NAA16: variants seen among roughly 807,000 people sequenced by gnomAD.
NAA16 encodes the protein NARG1-like protein.
A neutral mutation model predicts 110.3 loss-of-function variants in NAA16; 97 were observed. That is an observed-to-expected ratio of 0.88 (90% CI 0.75 to 1.04). NAA16 has a LOEUF of 1.04. Among genes scored for constraint, NAA16 ranks in the 50% least tolerant of loss-of-function variants. The pLI is 0.00. For missense variants in NAA16, 1,017 were observed against 1,005.1 expected (o/e 1.01, Z -0.16); for synonymous variants, 372 against 330.6 (o/e 1.13, Z -1.36).
intron 3 of NAA16, 58 bp from the exon 4 acceptor site, chr13:41,320,609 A>T (rs918086092): frequency 9.2e-6 from 13 of 1,406,316 alleles, no homozygotes; most frequent in Non-Finnish European, 1.2e-5. Context: ...TTTATATTAG[A>T]TATGTATCAT....
At chr13:41,358,603 T>C in intron 11 of NAA16, 130 bp downstream of exon 11, 1 of 1,462,518 alleles carries the variant, frequency 6.8e-7, no homozygotes, top group African/African-American at 1.4e-5. Flanking sequence ...CTGTGTAGTT[T>C]CATGTTATAT....
chr13:41,340,822 G>T (rs28412506), intron 9 of NAA16, among the ~76,000 whole-genome samples: 1 of 151,728 alleles, frequency 6.6e-6, no homozygotes, highest in Non-Finnish European at 1.5e-5. Flanking sequence ...GACTGCAGGC[G>T]CCTGCCACCG....
chr13:41,325,705 C>A lies in NAA16; in HGVS notation c.545C>A (p.Pro182Gln). The A allele has an allele frequency of 6.4e-7, 1 of 1,563,520 alleles. No individual in the cohort carries two copies. Among genetic ancestry groups the A allele is most frequent in the East Asian group, 2.3e-5 (1 of 44,010 alleles). Residue 182 changes from proline to glutamine, a missense_variant, in exon 6 of 20, where the codon CCA becomes CAA. By Grantham distance (76) the Pro-to-Gln change is moderately conservative (BLOSUM62 -1). Coordinates refer to ENST00000379406, the MANE Select transcript of NAA16 (RefSeq NM_024561.5). ...TTGGTCATTTTTTTTCAGGTTCCTC[C>A]AAACAAAATAGATTATGAATATAGT... is the stretch of plus-strand genomic sequence containing the variant. Reference protein sequence around the residue: ...EEFRQTQQVPPNKIDYEYSEL... With the variant: ...EEFRQTQQVPQNKIDYEYSEL...
chr13:41,375,702 G>T lies in NAA16; in HGVS notation c.*100G>T. 8.8e-6 allele frequency: 8 copies of T among 906,500 alleles called. No homozygotes were observed. Among genetic ancestry groups the T allele is most frequent in the South Asian group, 4.2e-5 (2 of 47,858 alleles). The allele number at this position is 906,500 out of a possible 1,614,324, so 56.2% of individuals were successfully genotyped here. ...AATATACGTATGAAATGAAATATTTGGTTAGGATTTTTAAATGGCATATTC... is the reference window on the plus strand; with the variant it reads ...AATATACGTATGAAATGAAATATTTTGTTAGGATTTTTAAATGGCATATTC... On this transcript the variant is annotated 3_prime_UTR_variant, in exon 20 of 20. Transcript: ENST00000379406.
intron 9 of NAA16, among the ~76,000 whole-genome samples, chr13:41,342,238 A>G (rs1338942508): frequency 5.0e-5 from 7 of 139,212 alleles, no homozygotes; most frequent in Non-Finnish European, 6.3e-5. Context: ...CCCAGGTTCA[A>G]GCGAGCCTCC....
intron 15 of NAA16, among the ~76,000 whole-genome samples, chr13:41,370,512 C>A (rs1207213403): frequency 2.0e-5 from 3 of 152,186 alleles, no homozygotes; most frequent in Admixed American, 2.0e-4. Flanking sequence ...AAGCTACTAA[C>A]CCCTGAGCCT....
chr13:41,336,568 G>T, intron 8 of NAA16, 82 bp from the exon 9 acceptor site: 1 of 835,090 alleles, frequency 1.2e-6, no homozygotes, highest in Non-Finnish European at 1.9e-6. Flanking sequence ...TGCTTCTGAG[G>T]GAGCTTTATT....
At position 41,325,866 on chromosome 13, in the gene NAA16, CT is replaced by C. The variant is rs35643066; in HGVS notation, c.691+22del. ...AGAAATTAAAGGTAAGTTGGCTTGC[CT>C]TTTTTTAATAGCCTCAAACAGAAAA... is the stretch of plus-strand genomic sequence containing the variant. On this transcript the variant is annotated intron_variant, in intron 6 of 19. Coordinates refer to ENST00000379406, the MANE Select transcript of NAA16 (RefSeq NM_024561.5). 10 of 1,583,106 alleles carry C rather than the reference CT, an allele frequency of 6.3e-6. No homozygotes were observed. The highest frequency in any genetic ancestry group is 1.2e-5 in the South Asian group (1 of 84,948).
Sources: allele counts gnomAD v4.1 joint callset (sites outside exome capture counted in the v4.1 genomes callset), GRCh38; gene constraint gnomAD v4.1.1; transcripts MANE v1.5; gene names NCBI Gene and HGNC (gene_info 2026-07-23, HGNC 2026-07-21).